DYRK4: variants seen among roughly 807,000 people sequenced by gnomAD.
DYRK4 encodes dual specificity tyrosine phosphorylation regulated kinase 4, also known as dual specificity tyrosine-phosphorylation-regulated kinase 4.
A neutral mutation model predicts 68.3 loss-of-function variants in DYRK4; 64 were observed. The observed-to-expected ratio is 0.94, with a 90% CI of 0.77 to 1.15. The LOEUF is 1.15. DYRK4 is among the 50% of genes most tolerant of loss of function. The pLI is 0.00. For synonymous variants in DYRK4, 274 were observed against 289.9 expected (o/e 0.95, Z 0.56); for missense variants, 740 against 764.7 (o/e 0.97, Z 0.38).
At chr12:4,575,861 T>G (rs1944784007) in intron 2 of DYRK4, among the ~76,000 whole-genome samples, 2 of 152,206 alleles carry the variant, frequency 1.3e-5, no homozygotes, top group Non-Finnish European at 1.5e-5. Flanking sequence ...GCTTGTCTGT[T>G]TTTTATTTAT....
intron 8 of DYRK4, among the ~76,000 whole-genome samples, chr12:4,598,073 C>CA (rs1481992706): frequency 6.6e-6 from 1 of 151,872 alleles, no homozygotes; most frequent in Non-Finnish European, 1.5e-5. Context: ...CTCAAACAAA[C>CA]AAAAAAAGAA....
At chr12:4,604,724 C>A (rs1430544026) in intron 10 of DYRK4, 190 bp from the exon 11 acceptor site, 1 of 269,606 alleles carries the variant, frequency 3.7e-6, no homozygotes, top group Non-Finnish European at 5.7e-6. Context: ...ACAGTCACAC[C>A]TCCTTTATAA....
intron 14 of DYRK4, 146 bp downstream of exon 14, chr12:4,612,864 G>T: frequency 3.7e-6 from 3 of 819,316 alleles, no homozygotes; most frequent in East Asian, 5.5e-5. Flanking sequence ...TGTTTAATAT[G>T]CTGTTTAAGC....
rs568930528 is a variant in DYRK4, at chr12:4,613,843, T to A, written c.*90T>A. 17 of 1,360,314 alleles carry A rather than the reference T, an allele frequency of 1.2e-5. No individual in the cohort carries two copies. In the South Asian group the frequency reaches 3.2e-4, roughly 26 times the overall value. 84.3% of individuals were successfully genotyped at this position (1,360,314 alleles called of 1,614,324 possible). A position where few individuals can be genotyped will look rare whatever the true frequency, so the allele number is the denominator to read the frequency against. ...GTACAATACTTCAGACTGTTTTTTT[T>A]AAATACATAAAACTTTATGTTAAAA... On this transcript the variant is annotated 3_prime_UTR_variant, in exon 15 of 15. Transcript: ENST00000543431. This position sits in a 1 kb window ranked among gnomAD's most constrained non-coding sequence, Gnocchi z 4.0.
chr12:4,611,573 T>C (rs1268866729), intron 13 of DYRK4, among the ~76,000 whole-genome samples: 1 of 152,186 alleles, frequency 6.6e-6, no homozygotes, highest in African/African-American at 2.4e-5. Flanking sequence ...TGTCTAGACT[T>C]TGTAGGCGAA....
intron 10 of DYRK4, chr12:4,603,053 A>G: frequency 9.2e-7 from 1 of 1,090,570 alleles, no homozygotes; most frequent in Non-Finnish European, 1.4e-6. Context: ...GTATCACCTT[A>G]CTTCCTCATC....
intron 10 of DYRK4, among the ~76,000 whole-genome samples, chr12:4,603,712 A>G (rs1945107825): frequency 6.6e-6 from 1 of 152,254 alleles, no homozygotes; most frequent in African/African-American, 2.4e-5. Context: ...GTCTTTATGT[A>G]TGAATCCTAT....
At chr12:4,565,768 G>C (rs545244026) in intron 1 of DYRK4, among the ~76,000 whole-genome samples, 1 of 152,058 alleles carries the variant, frequency 6.6e-6, no homozygotes, top group Non-Finnish European at 1.5e-5. Context: ...TGGGATTACA[G>C]GCGTGAGGCA....
chr12:4,571,666 A>T (rs1018825178), intron 2 of DYRK4, among the ~76,000 whole-genome samples: 8 of 152,238 alleles, frequency 5.3e-5, no homozygotes, highest in Admixed American at 1.3e-4. Context: ...ACCTCAATAA[A>T]GTTGTAAAAT....
At chr12:4,563,549 G>T (rs904177327) in intron 1 of DYRK4, among the ~76,000 whole-genome samples, 1 of 152,156 alleles carries the variant, frequency 6.6e-6, no homozygotes, top group African/African-American at 2.4e-5. Flanking sequence ...GAATATGGTC[G>T]TGCTGCCTGA....
chr12:4,600,446 A>G (rs1421800930), intron 10 of DYRK4, among the ~76,000 whole-genome samples: 5 of 151,548 alleles, frequency 3.3e-5, no homozygotes. Context: ...TAAAAATAAT[A>G]TGGTGAATAC....
rs1010347806 is a variant in DYRK4, at chr12:4,562,267, A to C, written c.22A>C (p.Ile8Leu). The change falls in exon 1 of 15, where the codon ATC becomes CTC. Residue 8 changes from isoleucine to leucine, a missense_variant. Physicochemically the swap from Ile to Leu is conservative, Grantham distance 5 (BLOSUM62 2). This residue lies in a region of DYRK4 where 70 missense variants were observed against 71.1 expected (regional missense o/e 0.98). Coordinates refer to ENST00000543431, the MANE Select transcript of DYRK4 (RefSeq NM_001394779.1). The part of the protein sequence containing the change: MQLLPPP[I>L]RTGTKTQMDA... ...CCTCATGCAGCTCCTCCCGCCGCCT[A>C]TCCGCACCGGAACAAAGTAAGGGCC... 2.6e-6 allele frequency: 4 copies of C among 1,532,522 alleles called. No homozygotes were observed. The highest frequency in any genetic ancestry group is 3.5e-6 in the Non-Finnish European group (4 of 1,145,388). The allele number at this position is 1,532,522 out of a possible 1,614,324, so 94.9% of individuals were successfully genotyped here.
chr12:4,577,782 T>G (rs1362167277), intron 2 of DYRK4, among the ~76,000 whole-genome samples: 1 of 152,226 alleles, frequency 6.6e-6, no homozygotes, highest in Non-Finnish European at 1.5e-5. Context: ...CTCAATTTAT[T>G]TAGATCCTCT....
chr12:4,584,483 G>C (rs1283377851), intron 2 of DYRK4, among the ~76,000 whole-genome samples: 1 of 151,792 alleles, frequency 6.6e-6, no homozygotes, highest in East Asian at 1.9e-4. Context: ...TTGCATAAAT[G>C]CCAGGTGCAG....
Position 4,574,097 on chromosome 12 carries a change from T to C in DYRK4, c.132+6049T>C, listed in dbSNP as rs1027899179. Reference sequence around the variant, plus strand: ...AAAATTAGCCGTGCGTGGTGGCGGGTGCCTGTAATCCCAGCTGCTCGGGAG... The same window carrying C: ...AAAATTAGCCGTGCGTGGTGGCGGGCGCCTGTAATCCCAGCTGCTCGGGAG... On this transcript the variant is annotated intron_variant, in intron 2 of 14. Transcript: ENST00000543431. Among the ~76,000 whole-genome samples the C allele has an allele frequency of 4.6e-5, 7 of 151,758 alleles. No homozygotes were observed. In the South Asian group the frequency reaches 1.0e-3, roughly 23 times the overall value.
intron 1 of DYRK4, among the ~76,000 whole-genome samples, chr12:4,566,271 C>T (rs1944675838): frequency 6.6e-6 from 1 of 152,206 alleles, no homozygotes; most frequent in Admixed American, 6.5e-5. Context: ...TTAGCATAGC[C>T]ACGCAGGCTC....
chr12:4,589,514 T>C (rs1944930809), intron 3 of DYRK4, among the ~76,000 whole-genome samples: 1 of 152,236 alleles, frequency 6.6e-6, no homozygotes, highest in African/African-American at 2.4e-5. Flanking sequence ...ATCCTTTTAA[T>C]CTCTGTCTCC....
intron 8 of DYRK4, among the ~76,000 whole-genome samples, chr12:4,598,166 G>A (rs922747887): frequency 1.3e-5 from 2 of 151,620 alleles, no homozygotes; most frequent in Non-Finnish European, 1.5e-5. Flanking sequence ...ACTTGAGTCC[G>A]AAAGTTTGAG....
chr12:4,608,971 A>C (rs956899129), intron 12 of DYRK4, among the ~76,000 whole-genome samples: 1 of 152,186 alleles, frequency 6.6e-6, no homozygotes, highest in African/African-American at 2.4e-5. Context: ...ACAACTTAAT[A>C]ATTCAGCCTT....
Sources: allele counts gnomAD v4.1 joint callset (sites outside exome capture counted in the v4.1 genomes callset), GRCh38; gene constraint gnomAD v4.1.1; regional missense constraint gnomAD v4.1.1; non-coding constraint Gnocchi (gnomAD v3.1); transcripts MANE v1.5; gene names NCBI Gene and HGNC (gene_info 2026-07-23, HGNC 2026-07-21).